PIK3C3: variants seen among roughly 807,000 people sequenced by gnomAD.
The protein encoded by PIK3C3 is PI3-kinase type 3.
Under a neutral mutation model 126.1 loss-of-function variants are expected in PIK3C3, and 95 were observed. The observed-to-expected ratio is 0.75, with a 90% CI of 0.64 to 0.89. PIK3C3 has a LOEUF of 0.89. PIK3C3 is among the 40% of genes least tolerant of loss of function. The probability of loss-of-function intolerance (pLI) is 0.00; values close to 1 mark genes in which losing one functional copy is unlikely to be tolerated. For missense variants in PIK3C3, 829 were observed against 1,063.2 expected, an observed-to-expected ratio of 0.78 and a Z score of 3.06; for synonymous variants, 374 against 360.0, an observed-to-expected ratio of 1.04 and a Z score of -0.44.
At chr18:41,995,748 A>C (rs1010329392) in intron 7 of PIK3C3, 142 bp from the exon 8 acceptor site, 1 of 633,738 alleles carries the variant, frequency 1.6e-6, no homozygotes, top group Non-Finnish European at 2.8e-6. Context: ...TTTTTAAGAT[A>C]TGTAGAAGAC....
intron 21 of PIK3C3, chr18:42,052,872 T>G (rs1295104991): frequency 1.3e-5 from 2 of 152,198 alleles, no homozygotes; most frequent in East Asian, 3.8e-4. Flanking sequence ...TACATAACTG[T>G]CCAATCTTTC....
At position 42,049,054 on chromosome 18, in the gene PIK3C3, A is replaced by T. The variant is rs1984679576; in HGVS notation, c.2189-477A>T. Among the ~76,000 whole-genome samples the T allele has an allele frequency of 5.3e-5, 8 of 152,314 alleles. No homozygotes were observed. The South Asian group carries it at 1.7e-3, about 32-fold the overall frequency. On this transcript the variant is annotated intron_variant, in intron 20 of 24. Coordinates refer to ENST00000262039, the MANE Select transcript of PIK3C3 (RefSeq NM_002647.4). ...AATGCTTTAGAAGATTATTGTGTTA[A>T]CTTCATAAATGTCTTTACCACTCAA...
intron 3 of PIK3C3, among the ~76,000 whole-genome samples, chr18:41,963,558 T>C (rs1980204462): frequency 6.6e-6 from 1 of 152,212 alleles, no homozygotes; most frequent in Non-Finnish European, 1.5e-5. Flanking sequence ...TTGGTAATTT[T>C]CTGCTCCAGA....
chr18:42,028,018 T>C (rs1983652012), intron 14 of PIK3C3, among the ~76,000 whole-genome samples: 1 of 152,198 alleles, frequency 6.6e-6, no homozygotes, highest in African/African-American at 2.4e-5. Flanking sequence ...GAAAATTATG[T>C]GAATTCAAAT....
In PIK3C3 at chr18:41,990,496, T is replaced by C; in HGVS notation, c.656T>C (p.Val219Ala). Reference protein sequence around the residue: ...KRSSNFMYLMVEFRCVKCDDK... With the variant: ...KRSSNFMYLMAEFRCVKCDDK... ...AGTTCTAATTTCATGTACCTGATGG[T>C]TGAATTTCGATGTGTCAAGTGTGAT... Residue 219 changes from valine (V) to alanine (A), a missense_variant, in exon 6 of 25, where the codon GTT becomes GCT. Val to Ala is a moderately conservative substitution (Grantham distance 64, BLOSUM62 0). This residue lies in a region of PIK3C3 where 313 missense variants were observed against 340.7 expected (regional missense o/e 0.92). Coordinates refer to ENST00000262039, the MANE Select transcript of PIK3C3 (RefSeq NM_002647.4). 6.2e-7 allele frequency: 1 copy of C among 1,602,034 alleles called. No homozygotes were observed. The highest frequency in any genetic ancestry group is 8.5e-7 in the Non-Finnish European group (1 of 1,169,674).
intron 22 of PIK3C3, among the ~76,000 whole-genome samples, chr18:42,058,998 A>G (rs998020407): frequency 8.5e-5 from 13 of 152,342 alleles, no homozygotes; most frequent in African/African-American, 2.4e-4. Flanking sequence ...TGTGACATCA[A>G]TTACTCATAC....
At chr18:42,068,967 AAG>A (rs1491038892) in intron 24 of PIK3C3, among the ~76,000 whole-genome samples, 22 of 151,188 alleles carry the variant, frequency 1.5e-4, no homozygotes, top group African/African-American at 5.2e-4. Flanking sequence ...AAAAAAAAAA[AAG>A]AAATAGATAT....
In PIK3C3 at chr18:42,038,787, C is replaced by A. The variant is rs752104656; in HGVS notation, c.1975C>A (p.Arg659=). The stretch of plus-strand genomic sequence containing the variant: ...TTTACCTTTTGATTAAAAGCTGTTA[C>A]GGAAAGAAAATCTGGACTTGAAATT... ...QIISLMDKLL[R]KENLDLKLTP... Residue 659 remains arginine (R), a synonymous_variant, in exon 18 of 25, where the codon CGG becomes AGG. Coordinates refer to ENST00000262039, the MANE Select transcript of PIK3C3 (RefSeq NM_002647.4). The A allele has an allele frequency of 6.3e-7, 1 of 1,599,328 alleles. No individual in the cohort carries two copies. The highest frequency in any genetic ancestry group is 8.6e-7 in the Non-Finnish European group (1 of 1,167,464).
At position 41,957,508 on chromosome 18, in the gene PIK3C3, AT is replaced by A. The variant is rs1437885658; in HGVS notation, c.69-61del. On this transcript the variant is annotated intron_variant, in intron 1 of 24. Coordinates refer to ENST00000262039, the MANE Select transcript of PIK3C3 (RefSeq NM_002647.4). ...GCATATATGTACATGCTTAGTACTT[AT>A]GTATATATGTACATGCTTAAAAAAT... 3 of 1,490,240 alleles carry A rather than the reference AT, an allele frequency of 2.0e-6. No individual in the cohort carries two copies. The East Asian group carries it at 6.8e-5, about 34-fold the overall frequency. The allele number at this position is 1,490,240 out of a possible 1,614,324, so 92.3% of individuals were successfully genotyped here.
intron 4 of PIK3C3, among the ~76,000 whole-genome samples, chr18:41,982,195 T>C (rs1411498932): frequency 6.6e-6 from 1 of 152,188 alleles, no homozygotes; most frequent in Non-Finnish European, 1.5e-5. Flanking sequence ...CTATGGCCTT[T>C]AACCTGAGGG....
intron 15 of PIK3C3, among the ~76,000 whole-genome samples, chr18:42,031,693 A>G (rs1360708234): frequency 6.6e-6 from 1 of 152,204 alleles, no homozygotes; most frequent in African/African-American, 2.4e-5. Flanking sequence ...CTGGGATTAC[A>G]GGCATGAGCC....
intron 24 of PIK3C3, among the ~76,000 whole-genome samples, chr18:42,079,948 TGTGTG>T (rs1986180631): frequency 4.1e-5 from 1 of 24,168 alleles, no homozygotes; most frequent in Non-Finnish European, 7.3e-5. Flanking sequence ...AACTTTTGAG[TGTGTG>T]TGTGTGTGTG....
At chr18:41,985,600 T>C (rs1981432728) in intron 4 of PIK3C3, among the ~76,000 whole-genome samples, 1 of 152,188 alleles carries the variant, frequency 6.6e-6, no homozygotes, top group Non-Finnish European at 1.5e-5. Context: ...CAGTTCTCAC[T>C]ATTGATGAAC....
At chr18:42,072,481 A>T (rs547543281) in intron 24 of PIK3C3, among the ~76,000 whole-genome samples, 62 of 152,286 alleles carry the variant, frequency 4.1e-4, no homozygotes, top group Non-Finnish European at 8.2e-4. Context: ...CCACTGGAAA[A>T]CAATTTTATT....
intron 2 of PIK3C3, 36 bp downstream of exon 2, chr18:41,957,794 T>C: frequency 6.8e-7 from 1 of 1,470,550 alleles, no homozygotes; most frequent in South Asian, 1.2e-5. Context: ...TGTTACAGAC[T>C]GTTCTTACCT....
rs373335801 is a variant in PIK3C3 at position 41,981,566 on chromosome 18, A to G, written c.532-6246A>G. Among the ~76,000 whole-genome samples, 5 of 152,298 alleles carry G rather than the reference A, an allele frequency of 3.3e-5. No homozygotes were observed. In the East Asian group the frequency reaches 7.7e-4, roughly 24 times the overall value. ...AAGAATTAAATACATAGGCATATGC[A>G]AAGTCTCTAAAACATGCACACGTAC... On this transcript the variant is annotated intron_variant, in intron 4 of 24. Transcript: ENST00000262039.
intron 22 of PIK3C3, among the ~76,000 whole-genome samples, chr18:42,061,968 G>A (rs1985335218): frequency 6.6e-6 from 1 of 152,012 alleles, no homozygotes; most frequent in South Asian, 2.1e-4. Flanking sequence ...GGAGCTTGTA[G>A]GTGAGGTGGC....
chr18:42,015,468 T>C lies in PIK3C3; in HGVS notation c.1326-8T>C. On this transcript the variant is annotated splice_polypyrimidine_tract_variant and splice_region_variant and intron_variant, in intron 11 of 24. Transcript: ENST00000262039. ...ACATCTCAGTGATCTCTTTTATTACTTTTTCAGCTCCCAAATTATAACCAG... is the reference window on the plus strand; with the variant it reads ...ACATCTCAGTGATCTCTTTTATTACCTTTTCAGCTCCCAAATTATAACCAG... 6.2e-7 allele frequency: 1 copy of C among 1,608,336 alleles called. No individual in the cohort carries two copies. The highest frequency in any genetic ancestry group is 8.5e-7 in the Non-Finnish European group (1 of 1,175,270).
chr18:42,029,900 A>G (rs1260853346), intron 15 of PIK3C3, among the ~76,000 whole-genome samples: 1 of 152,066 alleles, frequency 6.6e-6, no homozygotes, highest in African/African-American at 2.4e-5. Flanking sequence ...ATGAGTTTAT[A>G]TATATATTGA....
Sources: gnomAD v4.1 joint callset for allele counts (sites outside exome capture counted in the v4.1 genomes callset) on GRCh38, gnomAD v4.1.1 for gene constraint, gnomAD v4.1.1 regional missense constraint, MANE v1.5 for transcripts, NCBI Gene and HGNC (gene_info 2026-07-23, HGNC 2026-07-21) for gene names.